IL23R: variants seen among roughly 807,000 people sequenced by gnomAD.
IL23R encodes interleukin 23 receptor, also known as interleukin-23 receptor.
In IL23R, 34 loss-of-function variants were observed where a neutral mutation model predicts 56.9. That is an observed-to-expected ratio of 0.60 (90% CI 0.45 to 0.80). The LOEUF is 0.80. Among genes scored for constraint, IL23R ranks in the 30% least tolerant of loss-of-function variants. IL23R has a pLI of 0.00. For synonymous variants in IL23R, 230 were observed against 249.2 expected, an observed-to-expected ratio of 0.92 and a Z score of 0.73; for missense variants, 635 against 730.0, an observed-to-expected ratio of 0.87 and a Z score of 1.50.
At chr1:67,191,613 A>C (rs1647749537) in intron 4 of IL23R, among the ~76,000 whole-genome samples, 2 of 150,944 alleles carry the variant, frequency 1.3e-5, no homozygotes, top group Admixed American at 1.3e-4. Context: ...TCTTTTTATG[A>C]AAAAAAATCA....
chr1:67,259,197 A>C lies in IL23R; in HGVS notation c.*69A>C. On this transcript the variant is annotated 3_prime_UTR_variant, in exon 11 of 11. Coordinates refer to ENST00000347310, the MANE Select transcript of IL23R (RefSeq NM_144701.3). ...TGAACTTGGGTTTTCCCTGCAATAG[A>C]AATTGAATTCTGCCTCTTTTTGAAA... 6.8e-7 allele frequency: 1 copy of C among 1,473,154 alleles called. No individual in the cohort carries two copies. The highest frequency in any genetic ancestry group is 9.5e-7 in the Non-Finnish European group (1 of 1,056,714). 91.3% of individuals were successfully genotyped at this position (1,473,154 alleles called of 1,614,324 possible). A position where few individuals can be genotyped will look rare whatever the true frequency, so the allele number is the denominator to read the frequency against.
intron 9 of IL23R, among the ~76,000 whole-genome samples, chr1:67,242,657 G>A (rs1430224246): frequency 6.6e-6 from 1 of 152,176 alleles, no homozygotes; most frequent in Non-Finnish European, 1.5e-5. Context: ...AAGTTTTGCT[G>A]TAGTGTGGAT....
chr1:67,261,504 T>C (rs115660364), downstream of IL23R, among the ~76,000 whole-genome samples: 1,072 of 151,674 alleles, frequency 7.1e-3, 14 homozygotes, highest in African/African-American at 0.024. Flanking sequence ...TCCTAAAATA[T>C]GTATATATTT....
At chr1:67,159,645 C>T (rs1646800686) in intron 1 of IL23R, among the ~76,000 whole-genome samples, 1 of 152,118 alleles carries the variant, frequency 6.6e-6, no homozygotes, top group East Asian at 1.9e-4. Context: ...CTTGTGGTCC[C>T]TACTTGGGAG....
intron 8 of IL23R, among the ~76,000 whole-genome samples, chr1:67,237,466 T>C (rs1440533910): frequency 6.6e-6 from 1 of 152,224 alleles, no homozygotes; most frequent in Non-Finnish European, 1.5e-5. Flanking sequence ...ACCCATGAGA[T>C]AAGTGTTACG....
At chr1:67,254,125 G>GTGGT (rs1277593326) in intron 9 of IL23R, among the ~76,000 whole-genome samples, 1 of 152,022 alleles carries the variant, frequency 6.6e-6, no homozygotes, top group Non-Finnish European at 1.5e-5. Flanking sequence ...CTGGAGTGCA[G>GTGGT]TGGTGCAATC....
chr1:67,189,470 A>G (rs1460544819), intron 4 of IL23R, among the ~76,000 whole-genome samples: 1 of 152,248 alleles, frequency 6.6e-6, no homozygotes, highest in Non-Finnish European at 1.5e-5. Context: ...TGGAGGCCAG[A>G]TTAATGGGAT....
At chr1:67,232,948 T>C (rs1282484521) in intron 7 of IL23R, among the ~76,000 whole-genome samples, 1 of 152,102 alleles carries the variant, frequency 6.6e-6, no homozygotes, top group East Asian at 1.9e-4. Context: ...TCTGGCCTGT[T>C]GTCATGTAAG....
intron 3 of IL23R, among the ~76,000 whole-genome samples, chr1:67,170,623 G>A (rs902434829): frequency 2.6e-5 from 4 of 152,092 alleles, no homozygotes; most frequent in African/African-American, 7.2e-5. Flanking sequence ...AATAAGTTCA[G>A]CACTGTTTTA....
intron 1 of IL23R, among the ~76,000 whole-genome samples, chr1:67,157,182 A>G (rs907933212): frequency 6.6e-6 from 1 of 152,134 alleles, no homozygotes; most frequent in Non-Finnish European, 1.5e-5. Flanking sequence ...CAAATGCAGA[A>G]ATCACCCGCC....
At chr1:67,251,451 C>CAA (rs34047151) in intron 9 of IL23R, among the ~76,000 whole-genome samples, 36,961 of 127,408 alleles carry the variant, frequency 0.29, 5,645 homozygotes, top group African/African-American at 0.41. Context: ...GACTCTGTCT[C>CAA]AAAAAAAAAA....
In IL23R at chr1:67,248,256, A is replaced by G. The variant is rs561286527; in HGVS notation, c.1149-7581A>G. Among the ~76,000 whole-genome samples the G allele has an allele frequency of 3.9e-5, 6 of 152,286 alleles. No homozygotes were observed. The East Asian group carries it at 1.2e-3, about 29-fold the overall frequency. On this transcript the variant is annotated intron_variant, in intron 9 of 10. Coordinates refer to ENST00000347310, the MANE Select transcript of IL23R (RefSeq NM_144701.3). The stretch of plus-strand genomic sequence containing the variant: ...TTGTCACTTTTAGGTACACCGTTCA[A>G]ACATAGATTTGGTCTTTTCACATAT...
intron 6 of IL23R, among the ~76,000 whole-genome samples, chr1:67,210,645 AT>A (rs1649402198): frequency 6.6e-6 from 1 of 151,540 alleles, no homozygotes; most frequent in Non-Finnish European, 1.5e-5. Flanking sequence ...TTTTATTTTT[AT>A]TTTTTTGTAG....
intron 5 of IL23R, among the ~76,000 whole-genome samples, chr1:67,204,201 C>T (rs1005628702): frequency 6.6e-6 from 1 of 152,144 alleles, no homozygotes; most frequent in East Asian, 1.9e-4. Flanking sequence ...GTAGCTGGGA[C>T]TACAGGCGCC....
intron 1 of IL23R, among the ~76,000 whole-genome samples, chr1:67,167,153 A>G (rs1646882911): frequency 6.6e-6 from 1 of 152,094 alleles, no homozygotes; most frequent in Admixed American, 6.5e-5. Flanking sequence ...CCCAGGCTGG[A>G]GTGCAATGGT....
chr1:67,177,764 A>T (rs946601894), intron 3 of IL23R, among the ~76,000 whole-genome samples: 1 of 151,252 alleles, frequency 6.6e-6, no homozygotes, highest in African/African-American at 2.5e-5. Flanking sequence ...CTTATGTTTA[A>T]GTATTGAATC....
chr1:67,249,356 A>G (rs934301154), intron 9 of IL23R, among the ~76,000 whole-genome samples: 5 of 152,198 alleles, frequency 3.3e-5, no homozygotes, highest in Non-Finnish European at 7.4e-5. Flanking sequence ...TGAACTTTCT[A>G]AAAGATACCA....
intron 3 of IL23R, among the ~76,000 whole-genome samples, chr1:67,178,849 G>A (rs1005475188): frequency 1.3e-5 from 2 of 152,160 alleles, no homozygotes; most frequent in African/African-American, 4.8e-5. Context: ...TTTGTCAAAG[G>A]CCTTTTCTGC....
chr1:67,245,514 A>C (rs963617091), intron 9 of IL23R, among the ~76,000 whole-genome samples: 3 of 152,306 alleles, frequency 2.0e-5, no homozygotes, highest in South Asian at 2.1e-4. Flanking sequence ...AGTTTTTAGC[A>C]TGAAGGGCTG....
Sources: allele counts gnomAD v4.1 joint callset (sites outside exome capture counted in the v4.1 genomes callset), GRCh38; gene constraint gnomAD v4.1.1; transcripts MANE v1.5; gene names NCBI Gene and HGNC (gene_info 2026-07-23, HGNC 2026-07-21).